The following FHIT variants were observed in gnomAD, a reference collection of about 807,000 sequenced individuals.
FHIT encodes bis(5'-adenosyl)-triphosphatase.
FHIT carries 19 observed loss-of-function variants against 17.9 expected under a neutral mutation model. The observed-to-expected ratio is 1.06, with a 90% CI of 0.74 to 1.56. The LOEUF is 1.56. Among genes scored for constraint, FHIT ranks in the 40% most tolerant of loss-of-function variants. The probability of loss-of-function intolerance (pLI) is 0.00; values close to 1 mark genes in which losing one functional copy is unlikely to be tolerated. For synonymous variants in FHIT, 81 were observed against 69.7 expected (o/e 1.16, Z -0.81); for missense variants, 248 against 189.2 (o/e 1.31, Z -1.82).
chr3:60,345,801 T>C (rs1031154130), intron 5 of FHIT, among the ~76,000 whole-genome samples: 3 of 152,190 alleles, frequency 2.0e-5, no homozygotes, highest in African/African-American at 7.2e-5. Flanking sequence ...AAATGTCTTT[T>C]TGAAAACTAT....
intron 5 of FHIT, among the ~76,000 whole-genome samples, chr3:60,339,509 G>C (rs1710409649): frequency 6.6e-6 from 1 of 152,092 alleles, no homozygotes; most frequent in African/African-American, 2.4e-5. Flanking sequence ...TTGACAGTTG[G>C]CTCTCAACAC....
chr3:60,801,533 G>T (rs1553732270), intron 4 of FHIT, among the ~76,000 whole-genome samples: 2 of 152,200 alleles, frequency 1.3e-5, no homozygotes, highest in Admixed American at 1.3e-4. Flanking sequence ...CTTCACATTG[G>T]CTCCTGGCCT....
chr3:60,805,753 G>T (rs1701360768), intron 4 of FHIT, among the ~76,000 whole-genome samples: 1 of 151,956 alleles, frequency 6.6e-6, no homozygotes, highest in Non-Finnish European at 1.5e-5. Flanking sequence ...TAGAGATGGG[G>T]TTTCACCGTG....
intron 8 of FHIT, among the ~76,000 whole-genome samples, chr3:59,864,743 T>C (rs142966481): frequency 6.6e-6 from 1 of 151,418 alleles, no homozygotes; most frequent in Non-Finnish European, 1.5e-5. Context: ...TAAGAAGCAA[T>C]GCTTTTCTGT....
At chr3:60,313,803 C>T (rs967970670) in intron 5 of FHIT, among the ~76,000 whole-genome samples, 5 of 152,122 alleles carry the variant, frequency 3.3e-5, no homozygotes, top group Admixed American at 6.6e-5. Flanking sequence ...TCTGTGCAAA[C>T]GGACTTTGAA....
At chr3:60,293,094 T>C (rs999725319) in intron 5 of FHIT, among the ~76,000 whole-genome samples, 1 of 152,158 alleles carries the variant, frequency 6.6e-6, no homozygotes, top group Non-Finnish European at 1.5e-5. Flanking sequence ...TTTGAAAACA[T>C]ACGTAATCTA....
chr3:60,764,108 G>T (rs1034812168), intron 4 of FHIT, among the ~76,000 whole-genome samples: 2 of 152,020 alleles, frequency 1.3e-5, no homozygotes, highest in African/African-American at 4.8e-5. Flanking sequence ...AAAGCCTAAC[G>T]CCTGACATCC....
chr3:60,982,562 C>A (rs1054850856), intron 3 of FHIT, among the ~76,000 whole-genome samples: 1 of 152,184 alleles, frequency 6.6e-6, no homozygotes, highest in East Asian at 1.9e-4. Context: ...CATTTGTTGT[C>A]CTTTCTGCTC....
intron 8 of FHIT, among the ~76,000 whole-genome samples, chr3:59,830,715 C>G (rs1393687714): frequency 6.6e-6 from 1 of 152,186 alleles, no homozygotes; most frequent in Non-Finnish European, 1.5e-5. Flanking sequence ...TCAACCACAG[C>G]ACAGCCAGCC....
intron 4 of FHIT, among the ~76,000 whole-genome samples, chr3:60,730,875 G>C (rs1269392061): frequency 6.6e-6 from 1 of 151,838 alleles, no homozygotes; most frequent in African/African-American, 2.4e-5. Flanking sequence ...CTAGCACTTT[G>C]GGAGGCTGAG....
intron 4 of FHIT, among the ~76,000 whole-genome samples, chr3:60,687,214 A>C (rs1481122545): frequency 6.6e-6 from 1 of 152,132 alleles, no homozygotes; most frequent in Non-Finnish European, 1.5e-5. Context: ...ATTTAACAGA[A>C]AAAAAAGGAG....
At chr3:60,209,496 C>A (rs772707065) in intron 5 of FHIT, among the ~76,000 whole-genome samples, 1 of 152,160 alleles carries the variant, frequency 6.6e-6, no homozygotes, top group African/African-American at 2.4e-5. Flanking sequence ...CATTCCTACT[C>A]CTGATTTGGT....
chr3:61,091,936 T>TAAAAA, intron 2 of FHIT, among the ~76,000 whole-genome samples: 1 of 61,298 alleles, frequency 1.6e-5, no homozygotes, highest in Non-Finnish European at 2.8e-5. Flanking sequence ...AGACCTTGTC[T>TAAAAA]AAAAAAAAAA....
intron 5 of FHIT, among the ~76,000 whole-genome samples, chr3:60,380,876 C>A (rs1441947327): frequency 6.6e-6 from 1 of 152,176 alleles, no homozygotes; most frequent in East Asian, 1.9e-4. Flanking sequence ...AGAGGCTTTA[C>A]AAGCATTTAT....
At chr3:60,690,276 C>T in intron 4 of FHIT, 4 of 551,210 alleles carry the variant, frequency 7.3e-6, no homozygotes, top group South Asian at 5.6e-5. Flanking sequence ...TCTTGCCATT[C>T]CTGAACACAA....
At chr3:60,658,248 T>A (rs1419188934) in intron 4 of FHIT, among the ~76,000 whole-genome samples, 1 of 152,166 alleles carries the variant, frequency 6.6e-6, no homozygotes, top group Non-Finnish European at 1.5e-5. Flanking sequence ...TTCAATCATG[T>A]TGTAGCATAT....
At chr3:60,956,983 G>A (rs907492669) in intron 3 of FHIT, among the ~76,000 whole-genome samples, 1 of 152,028 alleles carries the variant, frequency 6.6e-6, no homozygotes, top group African/African-American at 2.4e-5. Flanking sequence ...CTCACAGAAG[G>A]GCTCATGGTC....
intron 7 of FHIT, 136 bp from the exon 8 acceptor site, chr3:59,922,550 A>G (rs1339377384): frequency 1.5e-6 from 1 of 685,518 alleles, no homozygotes; most frequent in Non-Finnish European, 2.5e-6. Flanking sequence ...GTTGATATCC[A>G]CCTTCGGTAA....
chr3:59,980,941 T>C (rs72877033), intron 7 of FHIT, among the ~76,000 whole-genome samples: 11,537 of 152,232 alleles, frequency 0.076, 493 homozygotes, highest in African/African-American at 0.1. Context: ...ACTATGAACA[T>C]GAAATTCTGC....
Sources: allele counts gnomAD v4.1 joint callset (sites outside exome capture counted in the v4.1 genomes callset), GRCh38; gene constraint gnomAD v4.1.1; transcripts MANE v1.5; gene names NCBI Gene and HGNC (gene_info 2026-07-23, HGNC 2026-07-21).